The following EXOC4 variants were observed in gnomAD, a reference collection of about 807,000 sequenced individuals.
EXOC4 encodes exocyst complex component 4.
EXOC4 carries 71 observed loss-of-function variants against 107.2 expected under a neutral mutation model. That is an observed-to-expected ratio of 0.66 (90% CI 0.55 to 0.81). EXOC4 has a LOEUF of 0.81. Among genes scored for constraint, EXOC4 ranks in the 30% least tolerant of loss-of-function variants. The pLI, the probability that EXOC4 is intolerant of heterozygous loss-of-function variation, is 0.00. For synonymous variants in EXOC4, 456 were observed against 441.2 expected (o/e 1.03, Z -0.42); for missense variants, 1,108 against 1,189.6 (o/e 0.93, Z 1.01).
At chr7:134,049,768 G>A (rs186890902) in intron 17 of EXOC4, among the ~76,000 whole-genome samples, 1 of 152,182 alleles carries the variant, frequency 6.6e-6, no homozygotes, top group Non-Finnish European at 1.5e-5. Flanking sequence ...AGTATCTACT[G>A]TATACTACCT....
chr7:133,557,582 G>A (rs1407177192), intron 9 of EXOC4, among the ~76,000 whole-genome samples: 1 of 152,172 alleles, frequency 6.6e-6, no homozygotes, highest in East Asian at 1.9e-4. Context: ...CAGCATGCTG[G>A]AATCACAGAT....
At chr7:134,031,730 G>A (rs925731333) in intron 17 of EXOC4, among the ~76,000 whole-genome samples, 4 of 152,218 alleles carry the variant, frequency 2.6e-5, no homozygotes, top group African/African-American at 9.6e-5. Flanking sequence ...TGCATCCAAA[G>A]AAGAGAAGGA....
At chr7:133,782,905 G>A (rs144055658) in intron 10 of EXOC4, among the ~76,000 whole-genome samples, 1,580 of 152,216 alleles carry the variant, frequency 0.01, 15 homozygotes, top group Middle Eastern at 0.017. Flanking sequence ...ATGGTCACTC[G>A]CCCAGGCCAT....
intron 10 of EXOC4, among the ~76,000 whole-genome samples, chr7:133,795,118 C>A (rs1397454712): frequency 6.6e-6 from 1 of 152,036 alleles, no homozygotes; most frequent in Non-Finnish European, 1.5e-5. Context: ...TCATATATAA[C>A]CATTGTTGAA....
intron 9 of EXOC4, among the ~76,000 whole-genome samples, chr7:133,574,524 G>C (rs991595106): frequency 4.6e-5 from 7 of 152,130 alleles, no homozygotes; most frequent in African/African-American, 1.7e-4. Flanking sequence ...TTCTCTAAAG[G>C]ATAATTCAGG....
chr7:133,815,135 T>C (rs1427433390), intron 10 of EXOC4, among the ~76,000 whole-genome samples: 2 of 152,038 alleles, frequency 1.3e-5, no homozygotes, highest in Non-Finnish European at 2.9e-5. Context: ...TTAAAAACTT[T>C]TGGGAGGCCG....
At chr7:133,295,974 C>G (rs1794511137) in intron 3 of EXOC4, among the ~76,000 whole-genome samples, 1 of 152,054 alleles carries the variant, frequency 6.6e-6, no homozygotes, top group Non-Finnish European at 1.5e-5. Context: ...AAACAATGTT[C>G]CAGTATTCCG....
chr7:133,450,689 A>G (rs566701084), intron 7 of EXOC4, among the ~76,000 whole-genome samples: 5 of 152,218 alleles, frequency 3.3e-5, no homozygotes, highest in Non-Finnish European at 7.3e-5. Flanking sequence ...TTGTTACCAT[A>G]TAATGCAAAT....
intron 9 of EXOC4, among the ~76,000 whole-genome samples, chr7:133,598,558 CTT>C (rs1035684575): frequency 1.3e-5 from 2 of 152,180 alleles, no homozygotes; most frequent in African/African-American, 4.8e-5. Flanking sequence ...TTTTTGGAAA[CTT>C]TTAATTGTGT....
chr7:133,709,784 C>T (rs1794846608), intron 10 of EXOC4, among the ~76,000 whole-genome samples: 2 of 151,126 alleles, frequency 1.3e-5, no homozygotes, highest in Admixed American at 6.6e-5. Context: ...AATCTCTTGT[C>T]TCAGTTTCCT....
intron 9 of EXOC4, among the ~76,000 whole-genome samples, chr7:133,616,913 A>G (rs1257655866): frequency 1.3e-5 from 2 of 152,176 alleles, no homozygotes; most frequent in African/African-American, 4.8e-5. Flanking sequence ...AAATTTTATA[A>G]TCTAAGAAAT....
intron 9 of EXOC4, among the ~76,000 whole-genome samples, chr7:133,577,675 T>TTGCAG (rs1401685993): frequency 6.6e-6 from 1 of 152,208 alleles, no homozygotes; most frequent in Non-Finnish European, 1.5e-5. Flanking sequence ...GGGTATGCTC[T>TTGCAG]TTGCAGTCTA....
At chr7:134,071,412 C>G (rs1451183714), downstream of EXOC4, among the ~76,000 whole-genome samples, 1 of 152,218 alleles carries the variant, frequency 6.6e-6, no homozygotes, top group Non-Finnish European at 1.5e-5. Context: ...AGATGGCAGA[C>G]TGGTGTCCTA....
chr7:133,552,696 T>A lies in EXOC4; in HGVS notation c.1417+72558T>A, dbSNP rs1285977918. On this transcript the variant is annotated intron_variant, in intron 9 of 17. Coordinates refer to ENST00000253861, the MANE Select transcript of EXOC4 (RefSeq NM_021807.4). Reference sequence around the variant, plus strand: ...GATAGAAATGATCATACATGTATGATCAGCACAGTCCAGCTACATGGAAGT... The same window carrying A: ...GATAGAAATGATCATACATGTATGAACAGCACAGTCCAGCTACATGGAAGT... Among the ~76,000 whole-genome samples, 5 of 152,082 alleles carry A rather than the reference T, an allele frequency of 3.3e-5. No individual in the cohort carries two copies. The East Asian group carries it at 9.7e-4, about 29-fold the overall frequency.
At chr7:133,298,825 G>T (rs1794579739) in intron 3 of EXOC4, among the ~76,000 whole-genome samples, 1 of 152,088 alleles carries the variant, frequency 6.6e-6, no homozygotes, top group Non-Finnish European at 1.5e-5. Flanking sequence ...AATTATAACT[G>T]TTTTGTGTTA....
intron 10 of EXOC4, among the ~76,000 whole-genome samples, chr7:133,650,203 G>A (rs1398433158): frequency 6.6e-6 from 1 of 152,110 alleles, no homozygotes; most frequent in Non-Finnish European, 1.5e-5. Flanking sequence ...TAGCAATTGT[G>A]TGTGAAATGA....
intron 7 of EXOC4, among the ~76,000 whole-genome samples, chr7:133,430,007 G>A (rs145479773): frequency 9.8e-5 from 15 of 152,316 alleles, no homozygotes; most frequent in Admixed American, 5.9e-4. Context: ...TCTTTTAGCA[G>A]TTGCCATCTC....
chr7:134,052,797 C>G (rs1192727383), intron 17 of EXOC4, among the ~76,000 whole-genome samples: 1 of 152,144 alleles, frequency 6.6e-6, no homozygotes, highest in Non-Finnish European at 1.5e-5. Flanking sequence ...CTAAATCTGC[C>G]AGAGAATGAA....
intron 10 of EXOC4, among the ~76,000 whole-genome samples, chr7:133,788,312 C>A (rs1796630906): frequency 6.6e-6 from 1 of 151,846 alleles, no homozygotes; most frequent in Admixed American, 6.6e-5. Context: ...GTTCATATAT[C>A]TACTGCCCAT....
Sources: allele counts gnomAD v4.1 joint callset (sites outside exome capture counted in the v4.1 genomes callset), GRCh38; gene constraint gnomAD v4.1.1; transcripts MANE v1.5; gene names NCBI Gene and HGNC (gene_info 2026-07-23, HGNC 2026-07-21).